The following IPO7 variants were observed in gnomAD, a reference collection of about 807,000 sequenced individuals.
IPO7 encodes importin 7, also known as importin-7.
Under a neutral mutation model 136.4 loss-of-function variants are expected in IPO7, and 13 were observed. That is an observed-to-expected ratio of 0.10 (90% CI 0.06 to 0.15). The LOEUF is 0.15. IPO7 is among the 10% of genes least tolerant of loss of function. The probability of loss-of-function intolerance (pLI) is 1.00; values close to 1 mark genes in which losing one functional copy is unlikely to be tolerated. For synonymous variants in IPO7, 403 were observed against 404.4 expected (o/e 1.00, Z 0.04); for missense variants, 857 against 1,240.6 (o/e 0.69, Z 4.65).
Position 9,384,812 on chromosome 11 carries a change from G to A in IPO7, c.49G>A (p.Ala17Thr). 6.2e-7 allele frequency: 1 copy of A among 1,607,310 alleles called. No individual in the cohort carries two copies. Among genetic ancestry groups the A allele is most frequent in the African/African-American group, 1.3e-5 (1 of 74,840 alleles). The stretch of plus-strand genomic sequence containing the variant: ...GGCCCTGCGGGGCACTATGGACCCA[G>A]CCCTGCGTGAGGCCGCGGAGCGCCA... The part of the protein sequence containing the change: ...IEALRGTMDP[A>T]LREAAERQLN... The change falls in exon 1 of 25, where the codon GCC (alanine) becomes ACC (threonine). Residue 17 changes from alanine (A) to threonine (T), a missense_variant. By Grantham distance (58) the Ala-to-Thr change is moderately conservative. Around this residue, in one of 11 missense-constraint regions of IPO7, gnomAD observed 49 missense variants for 59.9 expected, o/e 0.82. Coordinates refer to ENST00000379719, the MANE Select transcript of IPO7 (RefSeq NM_006391.3).
At chr11:9,427,866 G>C (rs1855235310) in intron 12 of IPO7, among the ~76,000 whole-genome samples, 1 of 152,094 alleles carries the variant, frequency 6.6e-6, no homozygotes, top group South Asian at 2.1e-4. Flanking sequence ...CCCAGTCTAG[G>C]GTCTCACATT....
Position 9,428,570 on chromosome 11 carries a change from A to G in IPO7, c.1366A>G (p.Met456Val), listed in dbSNP as rs1455795685. The G allele has an allele frequency of 6.4e-7, 1 of 1,561,250 alleles. No homozygotes were observed. Among genetic ancestry groups the G allele is most frequent in the South Asian group, 1.1e-5 (1 of 89,084 alleles). The change falls in exon 13 of 25, where the codon ATG becomes GTG. Residue 456 changes from methionine to valine, a missense_variant. By Grantham distance (21) the Met-to-Val change is conservative. Around this residue, in one of 11 missense-constraint regions of IPO7, gnomAD observed 127 missense variants for 222.4 expected, o/e 0.57. Coordinates refer to ENST00000379719, the MANE Select transcript of IPO7 (RefSeq NM_006391.3). ...GATCTATAAAGATCAGATGGAATAC[A>G]TGTTGCAGAATCATGTATTCCCTCT... ...KKIYKDQMEY[M>V]LQNHVFPLFS...
At chr11:9,393,465 C>T (rs1302048638) in intron 1 of IPO7, among the ~76,000 whole-genome samples, 6 of 152,096 alleles carry the variant, frequency 3.9e-5, no homozygotes, top group Admixed American at 6.5e-5. Flanking sequence ...CTGCAACCTC[C>T]GTCTCCTGGG....
intron 16 of IPO7, among the ~76,000 whole-genome samples, chr11:9,431,794 T>C (rs1855297778): frequency 6.6e-6 from 1 of 151,904 alleles, no homozygotes; most frequent in Non-Finnish European, 1.5e-5. Flanking sequence ...GCCAACGTGG[T>C]GAAACCCCTG....
In IPO7 at chr11:9,433,597, T is replaced by A; in HGVS notation, c.1909T>A (p.Leu637Ile). ...EITQQLEGIC[L>I]QVIGTVLQQH... is the part of the protein sequence containing the mutation. ...AACCCAACAGCTTGAGGGAATCTGC[T>A]TACAGGTCATTGGTACTGTTTTACA... is the stretch of plus-strand genomic sequence containing the variant. Residue 637 changes from leucine (L) to isoleucine (I), a missense_variant, in exon 17 of 25, where the codon TTA (leucine) becomes ATA (isoleucine). Physicochemically the swap from Leu to Ile is conservative, Grantham distance 5. Coordinates refer to ENST00000379719, the MANE Select transcript of IPO7 (RefSeq NM_006391.3). 1 of 1,612,576 alleles carries A rather than the reference T, an allele frequency of 6.2e-7. No individual in the cohort carries two copies. The highest frequency in any genetic ancestry group is 8.5e-7 in the Non-Finnish European group (1 of 1,179,892).
chr11:9,408,700 T>C (rs1854923352), intron 3 of IPO7, 61 bp downstream of exon 3: 1 of 1,145,376 alleles, frequency 8.7e-7, no homozygotes, highest in Admixed American at 2.9e-5. Flanking sequence ...TTTTTTGTTT[T>C]TTGGTTTTTT....
At chr11:9,387,639 C>T (rs1290836686) in intron 1 of IPO7, among the ~76,000 whole-genome samples, 1 of 152,200 alleles carries the variant, frequency 6.6e-6, no homozygotes, top group Admixed American at 6.5e-5. Flanking sequence ...TGAGACCAGC[C>T]TGACCAACAT....
intron 10 of IPO7, among the ~76,000 whole-genome samples, chr11:9,424,349 T>C (rs766537976): frequency 2.0e-5 from 3 of 152,218 alleles, no homozygotes; most frequent in Non-Finnish European, 4.4e-5. Context: ...GTTGTGAAAA[T>C]TCTCACATCA....
Sources: allele counts gnomAD v4.1 joint callset (sites outside exome capture counted in the v4.1 genomes callset), GRCh38; gene constraint gnomAD v4.1.1; regional missense constraint gnomAD v4.1.1; transcripts MANE v1.5; gene names NCBI Gene and HGNC (gene_info 2026-07-23, HGNC 2026-07-21).